The following PCDH11Y variants were observed in gnomAD, a reference collection of about 807,000 sequenced individuals.
The protein encoded by PCDH11Y is protocadherin-11 Y-linked.
For missense variants in PCDH11Y, 12 were observed against 224.8 expected, an observed-to-expected ratio of 0.05 and a Z score of 6.05; for synonymous variants, 9 against 83.6, an observed-to-expected ratio of 0.11 and a Z score of 4.87.
chrY:5,493,125 T>C, intron 2 of PCDH11Y, among the ~76,000 whole-genome samples: 2 of 33,373 alleles, frequency 6.0e-5, no homozygotes, highest in Non-Finnish European at 1.5e-4. Flanking sequence ...TTTTGTTGCA[T>C]TTTTTACTAA....
intron 2 of PCDH11Y, among the ~76,000 whole-genome samples, chrY:5,194,683 CAGTG>C (rs2052916824): frequency 3.1e-5 from 1 of 32,513 alleles, no homozygotes; most frequent in African/African-American, 1.2e-4. Flanking sequence ...CAGACCTTCA[CAGTG>C]AGTGTTACAG....
chrY:5,593,971 A>C (rs1602948012), intron 4 of PCDH11Y, among the ~76,000 whole-genome samples: 1 of 33,467 alleles, frequency 3.0e-5, no homozygotes, highest in Non-Finnish European at 7.4e-5. Context: ...GGTCAGTGGC[A>C]GTGGGATCTG....
intron 2 of PCDH11Y, among the ~76,000 whole-genome samples, chrY:5,305,142 G>A (rs2124663715): frequency 3.0e-5 from 1 of 33,367 alleles, no homozygotes; most frequent in African/African-American, 1.2e-4. Flanking sequence ...AGCAACTGCT[G>A]GATATAGAAG....
At chrY:5,614,103 C>T in intron 4 of PCDH11Y, among the ~76,000 whole-genome samples, 1 of 16,885 alleles carries the variant, frequency 5.9e-5, no homozygotes, top group Non-Finnish European at 1.3e-4. Context: ...GACGACTCTG[C>T]GCTAGATACA....
chrY:5,257,089 G>A (rs2053011955), intron 2 of PCDH11Y, among the ~76,000 whole-genome samples: 20 of 33,023 alleles, frequency 6.1e-4, no homozygotes, highest in Non-Finnish European at 3.7e-4. Flanking sequence ...GAATAACAAT[G>A]GTTAAAGTGG....
intron 1 of PCDH11Y, among the ~76,000 whole-genome samples, chrY:5,026,209 G>A: frequency 3.0e-5 from 1 of 32,969 alleles, no homozygotes; most frequent in Non-Finnish European, 7.5e-5. Context: ...GTGATAAAAT[G>A]TCATGATAAA....
At chrY:5,274,538 T>C in intron 2 of PCDH11Y, among the ~76,000 whole-genome samples, 1 of 33,348 alleles carries the variant, frequency 3.0e-5, no homozygotes, top group East Asian at 8.1e-4. Context: ...AGAGACGGGG[T>C]TTCGCCACGT....
intron 2 of PCDH11Y, among the ~76,000 whole-genome samples, chrY:5,238,303 A>G (rs1602891369): frequency 3.0e-5 from 1 of 33,587 alleles, no homozygotes; most frequent in East Asian, 8.0e-4. Context: ...GACAAACCTG[A>G]CAAAAACAAG....
At chrY:5,345,845 T>C in intron 2 of PCDH11Y, among the ~76,000 whole-genome samples, 5 of 31,847 alleles carry the variant, frequency 1.6e-4, no homozygotes, top group African/African-American at 2.5e-4. Flanking sequence ...GTATTTTTAG[T>C]AGAGATGGGG....
intron 2 of PCDH11Y, among the ~76,000 whole-genome samples, chrY:5,385,776 T>C: frequency 3.0e-5 from 1 of 33,836 alleles, no homozygotes. Context: ...TTGATCAGTT[T>C]CTTATATGTT....
At chrY:5,320,646 C>G (rs2053111589) in intron 2 of PCDH11Y, among the ~76,000 whole-genome samples, 23 of 33,512 alleles carry the variant, frequency 6.9e-4, no homozygotes, top group Non-Finnish European at 1.3e-3. Context: ...GTTGTTATCA[C>G]AGTGGGCATC....
At chrY:5,534,044 T>C (rs2124691975) in intron 3 of PCDH11Y, among the ~76,000 whole-genome samples, 3 of 32,901 alleles carry the variant, frequency 9.1e-5, no homozygotes. Flanking sequence ...GAGCAATCAC[T>C]TTTTCTTCTT....
At chrY:5,212,321 C>CTT (rs760074914) in intron 2 of PCDH11Y, among the ~76,000 whole-genome samples, 1 of 22,180 alleles carries the variant, frequency 4.5e-5, no homozygotes, top group Admixed American at 4.1e-4. Context: ...CATGAAGTGA[C>CTT]TTTTTTTTTT....
intron 4 of PCDH11Y, among the ~76,000 whole-genome samples, chrY:5,634,197 G>A (rs2053515550): frequency 6.0e-5 from 1 of 16,593 alleles, no homozygotes; most frequent in African/African-American, 2.7e-4. Context: ...CTGGGCGACA[G>A]AGCGAGATTC....
rs2052802251 is a variant in PCDH11Y, at chrY:5,111,218, C to G, written c.3129+10511C>G. Among the ~76,000 whole-genome samples, 3 of 32,374 alleles carry G rather than the reference C, an allele frequency of 9.3e-5. No homozygotes were observed. The South Asian group carries it at 2.1e-3, about 23-fold the overall frequency. 86.9% of individuals were successfully genotyped at this position (32,374 alleles called of 37,273 possible). On this transcript the variant is annotated intron_variant, in intron 2 of 4. Coordinates refer to the PCDH11Y transcript ENST00000400457. ...TCCTGGGTTCAAGAGATTCTCCTGT[C>G]TCAGCCTCCTGAGGGACTATAGTCA... is the stretch of plus-strand genomic sequence containing the variant.
intron 2 of PCDH11Y, among the ~76,000 whole-genome samples, chrY:5,205,481 T>TTA (rs2052930437): frequency 1.8e-3 from 45 of 24,339 alleles, no homozygotes; most frequent in African/African-American, 5.9e-3. Flanking sequence ...TGTATATATT[T>TTA]TATATATATA....
chrY:5,458,209 T>C, intron 2 of PCDH11Y, among the ~76,000 whole-genome samples: 1 of 30,449 alleles, frequency 3.3e-5, no homozygotes, highest in Non-Finnish European at 8.0e-5. Flanking sequence ...AGCTAATGAA[T>C]GATGATGTTT....
intron 2 of PCDH11Y, among the ~76,000 whole-genome samples, chrY:5,421,981 G>A: frequency 3.6e-5 from 1 of 27,549 alleles, no homozygotes; most frequent in African/African-American, 1.4e-4. Context: ...AACTAAAAAT[G>A]TGTTAAATCA....
At chrY:5,604,807 AC>A (rs2053477503) in intron 4 of PCDH11Y, among the ~76,000 whole-genome samples, 8 of 32,511 alleles carry the variant, frequency 2.5e-4, no homozygotes, top group Non-Finnish European at 3.8e-4. Context: ...CTCATGCTGT[AC>A]ATCATTATAA....
Sources: allele counts gnomAD v4.1 joint callset (sites outside exome capture counted in the v4.1 genomes callset), GRCh38; gene constraint gnomAD v4.1.1; transcripts MANE v1.5; gene names NCBI Gene and HGNC (gene_info 2026-07-23, HGNC 2026-07-21).